SAMD5: variants seen among roughly 807,000 people sequenced by gnomAD.
The protein encoded by SAMD5 is sterile alpha motif domain containing 5, also known as sterile alpha motif domain-containing protein 5.
In SAMD5, 13 loss-of-function variants were observed where a neutral mutation model predicts 11.3. The ratio of observed to expected loss-of-function variants is 1.15; its 90% CI spans 0.75 to 1.83. The LOEUF (loss-of-function observed/expected upper bound fraction) is 1.83, where lower values mean the gene tolerates loss of function less well. SAMD5 is among the 40% of genes most tolerant of loss of function. The pLI is 0.00. For synonymous variants in SAMD5, 129 were observed against 111.3 expected (o/e 1.16, Z -1.00); for missense variants, 255 against 239.1 (o/e 1.07, Z -0.44).
chr6:147,772,815 A>G, the SAMD5 span, among the ~76,000 whole-genome samples: 1 of 152,156 alleles, frequency 6.6e-6, no homozygotes, highest in Non-Finnish European at 1.5e-5. Context: ...TCACCTTCTG[A>G]GGTACCTGGG....
the SAMD5 span, among the ~76,000 whole-genome samples, chr6:147,833,449 A>C: frequency 1.3e-5 from 2 of 152,190 alleles, no homozygotes; most frequent in South Asian, 4.1e-4. Context: ...ATTATGATAA[A>C]CTCTAAATTA....
chr6:147,572,728 T>A (rs1040140258), downstream of SAMD5, among the ~76,000 whole-genome samples: 1 of 152,196 alleles, frequency 6.6e-6, no homozygotes, highest in Non-Finnish European at 1.5e-5. Flanking sequence ...CAAACTATAG[T>A]TAATGTACTT....
intron 1 of SAMD5, among the ~76,000 whole-genome samples, chr6:147,514,895 A>G (rs1365131441): frequency 6.6e-6 from 1 of 152,196 alleles, no homozygotes; most frequent in Non-Finnish European, 1.5e-5. Flanking sequence ...ATGGCCTATA[A>G]TGAAGGAATT....
At chr6:147,716,380 T>C (rs2128458874) in intron 1 of SAMD5, among the ~76,000 whole-genome samples, 1 of 152,306 alleles carries the variant, frequency 6.6e-6, no homozygotes, top group Non-Finnish European at 1.5e-5. Flanking sequence ...GAGCAGACAC[T>C]TCTGAGCCTG....
At chr6:147,746,383 C>T in the SAMD5 span, among the ~76,000 whole-genome samples, 40 of 152,218 alleles carry the variant, frequency 2.6e-4, no homozygotes, top group African/African-American at 8.9e-4. Context: ...CCTGGGACTT[C>T]CTTGCTACTC....
At chr6:147,924,296 T>C in the SAMD5 span, among the ~76,000 whole-genome samples, 1 of 152,164 alleles carries the variant, frequency 6.6e-6, no homozygotes, top group Non-Finnish European at 1.5e-5. Flanking sequence ...CCTAAGAGAA[T>C]CTACAGTGTA....
At chr6:147,737,672 CTTTTTTTTTTTT>C (rs10544345), downstream of SAMD5, 58 of 49,254 alleles carry the variant, frequency 1.2e-3, 1 homozygote, top group East Asian at 0.034. Context: ...AGATTGAGGG[CTTTTTTTTTTTT>C]TTTTTTTTTT....
At chr6:147,771,992 G>GT in the SAMD5 span, among the ~76,000 whole-genome samples, 11 of 152,164 alleles carry the variant, frequency 7.2e-5, no homozygotes, top group Admixed American at 2.0e-4. Context: ...ACACTTGAAA[G>GT]TTTTTTCTGA....
intron 1 of SAMD5, among the ~76,000 whole-genome samples, chr6:147,580,019 G>A (rs1562325717): frequency 6.6e-6 from 1 of 152,194 alleles, no homozygotes; most frequent in Non-Finnish European, 1.5e-5. Flanking sequence ...CTTCACGCAG[G>A]AGGGAGTATC....
At chr6:147,528,026 T>G (rs1444762352) in intron 1 of SAMD5, among the ~76,000 whole-genome samples, 1 of 152,024 alleles carries the variant, frequency 6.6e-6, no homozygotes, top group African/African-American at 2.4e-5. Context: ...CCAGATCTTG[T>G]GAGAACTCAC....
intron 1 of SAMD5, among the ~76,000 whole-genome samples, chr6:147,515,454 A>G (rs1788154902): frequency 6.6e-6 from 1 of 151,382 alleles, no homozygotes; most frequent in Non-Finnish European, 1.5e-5. Flanking sequence ...CCATCCATCC[A>G]TCCATCCATC....
At chr6:147,816,325 T>TATAC in the SAMD5 span, among the ~76,000 whole-genome samples, 2 of 131,094 alleles carry the variant, frequency 1.5e-5, no homozygotes, top group African/African-American at 5.9e-5. Flanking sequence ...TATATATATA[T>TATAC]ATACAGCAAA....
chr6:147,723,197 G>C (rs1166234323), intron 1 of SAMD5, among the ~76,000 whole-genome samples: 4 of 152,124 alleles, frequency 2.6e-5, no homozygotes, highest in African/African-American at 7.2e-5. Context: ...TGAGGGTAAG[G>C]CTTTCTCACC....
At chr6:147,649,495 AT>A (rs1316654620) in intron 1 of SAMD5, among the ~76,000 whole-genome samples, 2 of 152,254 alleles carry the variant, frequency 1.3e-5, no homozygotes, top group Non-Finnish European at 2.9e-5. Context: ...AAGTCAGTTA[AT>A]AAAAGTATAA....
At chr6:147,934,582 G>C in the SAMD5 span, among the ~76,000 whole-genome samples, 64 of 152,198 alleles carry the variant, frequency 4.2e-4, no homozygotes, top group Non-Finnish European at 8.1e-4. Flanking sequence ...ACGTGGTGGG[G>C]AGTGCAGGGG....
intron 1 of SAMD5, among the ~76,000 whole-genome samples, chr6:147,532,864 A>G (rs1788450875): frequency 6.6e-6 from 1 of 152,120 alleles, no homozygotes; most frequent in South Asian, 2.1e-4. Flanking sequence ...ACGTGCATAC[A>G]TTTTTCCTCC....
chr6:147,538,528 A>C (rs997746023), intron 1 of SAMD5, among the ~76,000 whole-genome samples: 2 of 152,214 alleles, frequency 1.3e-5, no homozygotes, highest in East Asian at 3.8e-4. Context: ...AAAACTTGAT[A>C]AGTAAGTGAT....
At chr6:147,890,411 T>C in the SAMD5 span, among the ~76,000 whole-genome samples, 31 of 151,208 alleles carry the variant, frequency 2.1e-4, no homozygotes, top group African/African-American at 7.5e-4. Flanking sequence ...CAGCTTGGAG[T>C]GCAGTGGCAT....
At chr6:147,795,675 C>G in the SAMD5 span, among the ~76,000 whole-genome samples, 11 of 150,178 alleles carry the variant, frequency 7.3e-5, no homozygotes, top group South Asian at 4.2e-4. Flanking sequence ...AGTTTACAGT[C>G]CCACCAACAG....
Sources: allele counts gnomAD v4.1 joint callset (sites outside exome capture counted in the v4.1 genomes callset), GRCh38; gene constraint gnomAD v4.1.1; transcripts MANE v1.5; gene names NCBI Gene and HGNC (gene_info 2026-07-23, HGNC 2026-07-21).